The following SLC8A2 variants were observed in gnomAD, a reference collection of about 807,000 sequenced individuals.
The protein encoded by SLC8A2 is solute carrier family 8 member A2, also known as sodium/calcium exchanger 2.
SLC8A2 carries 14 observed loss-of-function variants against 70.2 expected under a neutral mutation model. That is an observed-to-expected ratio of 0.20 (90% confidence interval 0.13 to 0.31). SLC8A2 has a LOEUF of 0.31. SLC8A2 is among the 10% of genes least tolerant of loss of function. SLC8A2 has a pLI of 1.00. For synonymous variants in SLC8A2, 575 were observed against 594.3 expected, an observed-to-expected ratio of 0.97 and a Z score of 0.47; for missense variants, 779 against 1,320.1, an observed-to-expected ratio of 0.59 and a Z score of 6.35.
At chr19:47,459,579 CGTGTGTGTGTCCT>C (rs1423264672) in intron 2 of SLC8A2, among the ~76,000 whole-genome samples, 1 of 150,964 alleles carries the variant, frequency 6.6e-6, no homozygotes, top group Non-Finnish European at 1.5e-5. Context: ...TGTGTATGTG[CGTGTGTGTGTCCT>C]GTGTGTGCGT....
intron 2 of SLC8A2, among the ~76,000 whole-genome samples, chr19:47,464,257 G>A (rs952226907): frequency 4.6e-5 from 7 of 151,934 alleles, no homozygotes; most frequent in Non-Finnish European, 7.4e-5. Context: ...GATTACAGGC[G>A]GGTACCACCA....
rs1966914052 is a variant in SLC8A2, at chr19:47,429,065, G to A, written c.*1024C>T. On this transcript the variant is annotated 3_prime_UTR_variant, in exon 10 of 10. Coordinates refer to ENST00000236877, the MANE Select transcript of SLC8A2 (RefSeq NM_015063.3). The stretch of plus-strand genomic sequence containing the variant: ...CAGCATTTGCTGGCTTGTAGCATTG[G>A]TCCTCTGGGACCCTCGGTCTCCTCT... 1 of 150,010 alleles carries A rather than the reference G, an allele frequency of 6.7e-6. No homozygotes were observed. The highest frequency in any genetic ancestry group is 1.5e-5 in the Non-Finnish European group (1 of 67,604). The allele number at this position is 150,010 out of a possible 1,614,324, so 9.3% of individuals were successfully genotyped here.
intron 2 of SLC8A2, among the ~76,000 whole-genome samples, chr19:47,464,274 G>A (rs1054888339): frequency 6.6e-6 from 1 of 151,966 alleles, no homozygotes; most frequent in Admixed American, 6.6e-5. Flanking sequence ...ACCATGCCAG[G>A]CTAGTTTTTA....
At chr19:47,463,503 G>A (rs1967422194) in intron 2 of SLC8A2, among the ~76,000 whole-genome samples, 1 of 149,010 alleles carries the variant, frequency 6.7e-6, no homozygotes, top group Admixed American at 6.7e-5. Flanking sequence ...AGGCTGAGGC[G>A]GGCAGATCAC....
At chr19:47,451,694 CG>C (rs977168167) in intron 3 of SLC8A2, among the ~76,000 whole-genome samples, 6 of 152,304 alleles carry the variant, frequency 3.9e-5, no homozygotes, top group African/African-American at 1.4e-4. Context: ...CAGTAATGGA[CG>C]AGTGGACATC....
rs1260919519 is a variant in SLC8A2, at chr19:47,430,432, T to C, written c.2423A>G (p.Asp808Gly). 1 of 1,606,972 alleles carries C rather than the reference T, an allele frequency of 6.2e-7. No individual in the cohort carries two copies. Among genetic ancestry groups the C allele is most frequent in the Non-Finnish European group, 8.5e-7 (1 of 1,178,148 alleles). The change falls in exon 10 of 10, where the codon GAC becomes GGC. Residue 808 changes from aspartate to glycine, a missense_variant. By Grantham distance (94) the Asp-to-Gly change is moderately conservative. Around this residue, in one of 6 missense-constraint regions of SLC8A2, gnomAD observed 108 missense variants for 269.6 expected, o/e 0.40. Coordinates refer to ENST00000236877, the MANE Select transcript of SLC8A2 (RefSeq NM_015063.3). The surrounding 1 kb of genome is among the most constrained non-coding windows in gnomAD (Gnocchi z 5.9). The part of the protein sequence containing the change: ...TFASKVAALQ[D>G]QCADASIGNV... Reference sequence around the variant, plus strand: ...GCCGATGGACGCGTCGGCGCACTGGTCCTGCAGCGCCGCCACCTTGCTGGC... The same window carrying C: ...GCCGATGGACGCGTCGGCGCACTGGCCCTGCAGCGCCGCCACCTTGCTGGC...
intron 2 of SLC8A2, among the ~76,000 whole-genome samples, chr19:47,462,075 C>A (rs1039267448): frequency 6.6e-6 from 1 of 152,088 alleles, no homozygotes; most frequent in Non-Finnish European, 1.5e-5. Context: ...TCCCACATGC[C>A]GGCTCATTTC....
rs1967488971 is a variant in SLC8A2 at position 47,468,243 on chromosome 19, A to G, written c.-16-1824T>C. Among the ~76,000 whole-genome samples, 1 of 151,958 alleles carries G rather than the reference A, an allele frequency of 6.6e-6. No individual in the cohort carries two copies. On this transcript the variant is annotated intron_variant, in intron 1 of 9. Transcript: ENST00000236877. This position sits in a 1 kb window ranked among gnomAD's most constrained non-coding sequence, Gnocchi z 5.1. ...CTCTGCTCCTCAGCCTCACCAGACAAGCTTCTGCCTTGGAGCCCTGGCACC... is the reference window on the plus strand; with the variant it reads ...CTCTGCTCCTCAGCCTCACCAGACAGGCTTCTGCCTTGGAGCCCTGGCACC...
chr19:47,430,540 C>T lies in SLC8A2; in HGVS notation c.2390-75G>A. The T allele has an allele frequency of 7.1e-7, 1 of 1,416,710 alleles. No homozygotes were observed. Among genetic ancestry groups the T allele is most frequent in the Non-Finnish European group, 9.3e-7 (1 of 1,075,838 alleles). 87.8% of individuals were successfully genotyped at this position (1,416,710 alleles called of 1,614,324 possible). A position where few individuals can be genotyped will look rare whatever the true frequency, so the allele number is the denominator to read the frequency against. ...AGGGGCGGGCATCCGCCTGCCCCCT[C>T]CCAGCCTTTCCCGGTCGCCTGCTTT... On this transcript the variant is annotated intron_variant, in intron 9 of 9. Transcript: ENST00000236877. This position sits in a 1 kb window ranked among gnomAD's most constrained non-coding sequence, Gnocchi z 5.9.
chr19:47,464,248 A>T (rs1028322437), intron 2 of SLC8A2, among the ~76,000 whole-genome samples: 15 of 152,030 alleles, frequency 9.9e-5, no homozygotes, highest in Non-Finnish European at 2.1e-4. Flanking sequence ...AGTAGCTGGG[A>T]TTACAGGCGG....
At chr19:47,441,241 G>A (rs1186880357) in intron 5 of SLC8A2, 55 bp from the exon 6 acceptor site, 9 of 1,608,596 alleles carry the variant, frequency 5.6e-6, no homozygotes, top group South Asian at 1.1e-5. Flanking sequence ...CGAAGCTCAG[G>A]TCCACGAGCT....
intron 2 of SLC8A2, among the ~76,000 whole-genome samples, chr19:47,459,932 C>G (rs1410903581): frequency 6.6e-6 from 1 of 152,112 alleles, no homozygotes; most frequent in Non-Finnish European, 1.5e-5. Flanking sequence ...TACCAAGCAA[C>G]AGACAATCCC....
chr19:47,442,841 G>A (rs1263662879), intron 4 of SLC8A2, among the ~76,000 whole-genome samples: 1 of 152,004 alleles, frequency 6.6e-6, no homozygotes, highest in East Asian at 1.9e-4. Context: ...ACACTACCAT[G>A]CTCAGTTAAT....
At chr19:47,444,135 T>G (rs1967130872) in intron 4 of SLC8A2, among the ~76,000 whole-genome samples, 1 of 152,070 alleles carries the variant, frequency 6.6e-6, no homozygotes, top group Admixed American at 6.6e-5. Context: ...CCTCAAGTGA[T>G]CCTCCCACCT....
chr19:47,438,127 G>A (rs564107449), intron 6 of SLC8A2, among the ~76,000 whole-genome samples, 154 bp from the exon 7 acceptor site: 117 of 152,190 alleles, frequency 7.7e-4, no homozygotes, highest in Non-Finnish European at 1.5e-3. Flanking sequence ...CCTGACCACC[G>A]TCTCCTTCAA....
chr19:47,437,739 G>T, intron 7 of SLC8A2, 110 bp downstream of exon 7: 2 of 1,362,820 alleles, frequency 1.5e-6, no homozygotes, highest in Non-Finnish European at 1.0e-6. Flanking sequence ...CCTGACGTGG[G>T]ACCCTTCTTT....
At chr19:47,451,588 C>T (rs1329231842) in intron 3 of SLC8A2, among the ~76,000 whole-genome samples, 1 of 152,220 alleles carries the variant, frequency 6.6e-6, no homozygotes, top group African/African-American at 2.4e-5. Flanking sequence ...GGATTGCAGG[C>T]ATGATCCACT....
At chr19:47,458,629 C>G (rs1238508719) in intron 2 of SLC8A2, among the ~76,000 whole-genome samples, 2 of 130,432 alleles carry the variant, frequency 1.5e-5, no homozygotes, top group African/African-American at 5.9e-5. Context: ...TCCTTCCCCC[C>G]ATCTCTTTCT....
rs1966980301 is a variant in SLC8A2, at chr19:47,432,671, C to T, written c.2111-226G>A. 4.2e-6 allele frequency: 2 copies of T among 478,520 alleles called. No homozygotes were observed. The highest frequency in any genetic ancestry group is 3.9e-5 in the African/African-American group (2 of 50,956). 29.6% of individuals were successfully genotyped at this position (478,520 alleles called of 1,614,324 possible). ...CCCAGGTGAAAAATATTTACTTTCC[C>T]AGAATCCTTTGGATCTAAATATGGC... On this transcript the variant is annotated intron_variant, in intron 8 of 9. Coordinates refer to ENST00000236877, the MANE Select transcript of SLC8A2 (RefSeq NM_015063.3). The surrounding 1 kb of genome is among the most constrained non-coding windows in gnomAD (Gnocchi z 6.2).
Sources: allele counts gnomAD v4.1 joint callset (sites outside exome capture counted in the v4.1 genomes callset), GRCh38; gene constraint gnomAD v4.1.1; regional missense constraint gnomAD v4.1.1; non-coding constraint Gnocchi (gnomAD v3.1); transcripts MANE v1.5; gene names NCBI Gene and HGNC (gene_info 2026-07-23, HGNC 2026-07-21).